Variants in AFMID observed in about 807,000 individuals in gnomAD.
The protein encoded by AFMID is arylformamidase, also known as kynurenine formamidase.
In AFMID, 39 loss-of-function variants were observed where a neutral mutation model predicts 47.5. That is an observed-to-expected ratio of 0.82 (90% CI 0.64 to 1.07). The LOEUF is 1.07. Among genes scored for constraint, AFMID ranks in the 50% least tolerant of loss-of-function variants. The pLI is 0.00. For synonymous variants in AFMID, 130 were observed against 153.2 expected (o/e 0.85, Z 1.12); for missense variants, 375 against 387.5 (o/e 0.97, Z 0.27).
Position 78,205,145 on chromosome 17 carries a change from C to T in AFMID, c.520C>T (p.Leu174Phe), listed in dbSNP as rs200064003. Residue 174 changes from leucine (L) to phenylalanine (F), a missense_variant, in exon 7 of 11, where the codon CTC becomes TTC. Transcript: ENST00000409257. ...SAGAHLAAMMLLADWTKHGVT... is the reference protein window; with the variant it reads ...SAGAHLAAMMFLADWTKHGVT... ...CGGGGCCCACCTGGCTGCCATGATG[C>T]TCCTGGCCGACTGGACCAAGCATGG... 1.2e-4 allele frequency: 191 copies of T among 1,613,110 alleles called. No individual in the cohort carries two copies. Among genetic ancestry groups the T allele is most frequent in the Non-Finnish European group, 1.5e-4 (178 of 1,179,632 alleles).
At chr17:78,197,822 T>A (rs1347853196) in intron 2 of AFMID, among the ~76,000 whole-genome samples, 1 of 151,890 alleles carries the variant, frequency 6.6e-6, no homozygotes, top group East Asian at 1.9e-4. Flanking sequence ...GATGATCAGA[T>A]GTGGTTTGAG....
At position 78,205,587 on chromosome 17, in the gene AFMID, C is replaced by T. The variant is rs746260367; in HGVS notation, c.645-16C>T. ...GGCTCCTCTCTGTCCTGACCCCTGT[C>T]CACTCCCCACCCCAGGGAGGACGCT... On this transcript the variant is annotated splice_polypyrimidine_tract_variant and intron_variant, in intron 8 of 10. Coordinates refer to ENST00000409257, the MANE Select transcript of AFMID (RefSeq NM_001010982.5). 126 of 1,613,830 alleles carry T rather than the reference C, an allele frequency of 7.8e-5. 1 individual carries two copies. The highest frequency in any genetic ancestry group is 9.5e-5 in the Non-Finnish European group (112 of 1,179,930).
rs756671596 is a variant in AFMID, at chr17:78,187,395, T to C, written c.25T>C (p.Phe9Leu). 6 of 1,613,922 alleles carry C rather than the reference T, an allele frequency of 3.7e-6. No individual in the cohort carries two copies. The highest frequency in any genetic ancestry group is 5.1e-6 in the Non-Finnish European group (6 of 1,179,954). The change falls in exon 1 of 11, where the codon TTC becomes CTC. Residue 9 changes from phenylalanine (F) to leucine (L), a missense_variant. Phe to Leu is a conservative substitution (Grantham distance 22, BLOSUM62 0). Transcript: ENST00000409257. ...CATGATGGATGTGTCTGGTGTGGGT[T>C]TCCCAAGCAAGGTTCCTTGGAAGAA... is the stretch of plus-strand genomic sequence containing the variant. MMDVSGVG[F>L]PSKVPWKKMS...
At chr17:78,200,928 C>T (rs373240548) in intron 2 of AFMID, among the ~76,000 whole-genome samples, 3 of 152,212 alleles carry the variant, frequency 2.0e-5, no homozygotes, top group East Asian at 1.9e-4. Context: ...ACTAGGAGTG[C>T]GTTGCTGCGG....
intron 1 of AFMID, among the ~76,000 whole-genome samples, chr17:78,189,681 G>C (rs28875257): frequency 0.016 from 2,370 of 151,478 alleles, 62 homozygotes; most frequent in African/African-American, 0.053. Flanking sequence ...ACCATGCCCG[G>C]TTGATTTTTC....
rs763812873 is a variant in AFMID at position 78,205,776 on chromosome 17, T to A, written c.780+38T>A. The A allele has an allele frequency of 2.1e-5, 33 of 1,603,676 alleles. 1 individual carries two copies. In the South Asian group the frequency reaches 3.6e-4, roughly 18 times the overall value. ...CAGGTTTGTGGCCAGAGGTCGAGGGTCATGTGGGCTCATTATTTTCCTCTT... is the reference window on the plus strand; with the variant it reads ...CAGGTTTGTGGCCAGAGGTCGAGGGACATGTGGGCTCATTATTTTCCTCTT... On this transcript the variant is annotated intron_variant, in intron 9 of 10. Coordinates refer to ENST00000409257, the MANE Select transcript of AFMID (RefSeq NM_001010982.5).
At chr17:78,196,761 G>A (rs138762814) in intron 2 of AFMID, among the ~76,000 whole-genome samples, 137 of 152,216 alleles carry the variant, frequency 9.0e-4, no homozygotes, top group Middle Eastern at 3.4e-3. Flanking sequence ...ACGCGTGTTC[G>A]TAGCACCATT....
chr17:78,202,897 TC>T (rs2076283787), intron 4 of AFMID, 146 bp downstream of exon 4: 1 of 1,016,576 alleles, frequency 9.8e-7, no homozygotes, highest in African/African-American at 1.6e-5. Context: ...AACGGAAGTC[TC>T]AAGTCAAATG....
At chr17:78,204,259 T>C (rs766329946) in intron 4 of AFMID, among the ~76,000 whole-genome samples, 30 of 151,658 alleles carry the variant, frequency 2.0e-4, no homozygotes, top group Non-Finnish European at 3.7e-4. Flanking sequence ...CTGGTCAACA[T>C]AGCAAGACCC....
intron 1 of AFMID, 21 bp downstream of exon 1, chr17:78,187,454 G>A: frequency 5.0e-6 from 8 of 1,613,608 alleles, no homozygotes; most frequent in South Asian, 1.1e-5. Flanking sequence ...TGCAGGGAGG[G>A]ACTAAGGGGC....
At position 78,205,518 on chromosome 17, in the gene AFMID, T is replaced by C. The variant is rs1271203676; in HGVS notation, c.644T>C (p.Leu215Pro). 6.2e-7 allele frequency: 1 copy of C among 1,614,056 alleles called. No individual in the cohort carries two copies. The highest frequency in any genetic ancestry group is 8.5e-7 in the Non-Finnish European group (1 of 1,180,024). ...CAGAACGTTGCTCTCCAGCTGACCC[T>C]GTGAGTTACTTGGCCACCACCTCCC... ...TSQNVALQLT[L>P]EDAQRNSPQL... Residue 215 changes from leucine (L) to proline (P), a missense_variant and splice_region_variant, in exon 8 of 11, where the codon CTG (leucine) becomes CCG (proline). By Grantham distance (98) the Leu-to-Pro change is moderately conservative. Transcript: ENST00000409257.
intron 2 of AFMID, among the ~76,000 whole-genome samples, chr17:78,193,621 A>G (rs1416687903): frequency 4.0e-5 from 6 of 151,830 alleles, no homozygotes; most frequent in Non-Finnish European, 8.8e-5. Context: ...TCAAAGCACG[A>G]GGATCCTTTG....
chr17:78,191,893 G>T (rs540484482), intron 2 of AFMID, among the ~76,000 whole-genome samples: 1 of 152,114 alleles, frequency 6.6e-6, no homozygotes, highest in African/African-American at 2.4e-5. Context: ...CCACCATGTT[G>T]GCCAGGATGG....
At chr17:78,188,850 G>C (rs920439984) in intron 1 of AFMID, among the ~76,000 whole-genome samples, 5 of 152,042 alleles carry the variant, frequency 3.3e-5, no homozygotes, top group Admixed American at 3.3e-4. Context: ...GCCCCCCTTG[G>C]CCTCCCAAAG....
At chr17:78,188,789 G>A (rs2075877600) in intron 1 of AFMID, among the ~76,000 whole-genome samples, 1 of 152,112 alleles carries the variant, frequency 6.6e-6, no homozygotes, top group African/African-American at 2.4e-5. Context: ...AGTAGAGATG[G>A]GGTTTCACTG....
At chr17:78,199,119 A>G (rs745314086) in intron 2 of AFMID, among the ~76,000 whole-genome samples, 7 of 152,252 alleles carry the variant, frequency 4.6e-5, no homozygotes, top group Admixed American at 1.3e-4. Flanking sequence ...GTGCTGGCAA[A>G]ACAGGTTTTG....
chr17:78,197,230 G>A (rs2076137192), intron 2 of AFMID: 1 of 1,548,834 alleles, frequency 6.5e-7, no homozygotes, highest in East Asian at 2.4e-5. Flanking sequence ...TCTTCACACT[G>A]TGCTGGGGCA....
In AFMID at chr17:78,202,353, G is replaced by A. The variant is rs184194581; in HGVS notation, c.155-146G>A. 1,829 of 670,390 alleles carry A rather than the reference G, an allele frequency of 2.7e-3. 15 individuals carry two copies. Among genetic ancestry groups the A allele is most frequent in the African/African-American group, 0.017 (965 of 55,224 alleles). 41.5% of individuals were successfully genotyped at this position (670,390 alleles called of 1,614,324 possible). On this transcript the variant is annotated intron_variant, in intron 2 of 10. Coordinates refer to ENST00000409257, the MANE Select transcript of AFMID (RefSeq NM_001010982.5). ...CTGAGGCAGGAGAATCGCTTGAACC[G>A]GGGAGGTGGAGATTGCAGTGAGCCG...
At position 78,207,185 on chromosome 17, in the gene AFMID, G is replaced by T; in HGVS notation, c.*248G>T. On this transcript the variant is annotated 3_prime_UTR_variant, in exon 11 of 11. Transcript: ENST00000409257. ...CGTCCGCAAGTCAATGCTCAGAGAT[G>T]CCCGGAGCTGCCTCTTAGACTCGTC... 1.8e-6 allele frequency: 1 copy of T among 553,246 alleles called. No individual in the cohort carries two copies. Among genetic ancestry groups the T allele is most frequent in the South Asian group, 2.2e-5 (1 of 44,608 alleles). The allele number at this position is 553,246 out of a possible 1,614,324, so 34.3% of individuals were successfully genotyped here.
Sources: gnomAD v4.1 joint callset for allele counts (sites outside exome capture counted in the v4.1 genomes callset) on GRCh38, gnomAD v4.1.1 for gene constraint, MANE v1.5 for transcripts, NCBI Gene and HGNC (gene_info 2026-07-23, HGNC 2026-07-21) for gene names.